Variants in MDGA1 observed in about 807,000 individuals in gnomAD.
The protein encoded by MDGA1 is MAM domain-containing glycosylphosphatidylinositol anchor protein 1.
A neutral mutation model predicts 101.5 loss-of-function variants in MDGA1; 54 were observed. The ratio of observed to expected loss-of-function variants is 0.53; its 90% confidence interval spans 0.43 to 0.67. The LOEUF (loss-of-function observed/expected upper bound fraction) is 0.67. Among genes scored for constraint, MDGA1 ranks in the 30% least tolerant of loss-of-function variants. The pLI, the probability that MDGA1 is intolerant of heterozygous loss-of-function variation, is 0.00. For missense variants in MDGA1, 1,083 were observed against 1,323.8 expected (o/e 0.82, Z 2.82); for synonymous variants, 533 against 558.3 (o/e 0.95, Z 0.64).
rs369650372 is a variant in MDGA1, at chr6:37,658,313, C to T, written c.314G>A (p.Arg105His). The T allele has an allele frequency of 3.7e-6, 6 of 1,612,198 alleles. No individual in the cohort carries two copies. Among genetic ancestry groups the T allele is most frequent in the South Asian group, 1.1e-5 (1 of 90,890 alleles). The part of the protein sequence containing the change: ...IERIARTQGG[R>H]YYCKAENGVG... ...GCCGTTCTCAGCCTTGCAGTAGTAG[C>T]GGCCGCCCTGCGTGCGTGCAATACG... Residue 105 changes from arginine to histidine, a missense_variant, in exon 3 of 17, where the codon CGC (arginine) becomes CAC (histidine). By Grantham distance (29) the Arg-to-His change is conservative. Transcript: ENST00000434837.
At position 37,678,291 on chromosome 6, in the gene MDGA1, C is replaced by G. The variant is rs191211712; in HGVS notation, c.68-14185G>C. ...CTCCCACACCCCACACCCAATTCACCAGCAAGCTCTGTCGGCTTGACCTTC... is the reference window on the plus strand; with the variant it reads ...CTCCCACACCCCACACCCAATTCACGAGCAAGCTCTGTCGGCTTGACCTTC... On this transcript the variant is annotated intron_variant, in intron 1 of 16. Coordinates refer to ENST00000434837, the MANE Select transcript of MDGA1 (RefSeq NM_153487.4). 1.8e-3 allele frequency among the ~76,000 whole-genome samples: 276 copies of G among 152,268 alleles called. 4 individuals carry two copies. Among genetic ancestry groups the G allele is most frequent in the South Asian group, 8.3e-4 (4 of 4,820 alleles).
At chr6:37,678,156 G>A (rs1421461144) in intron 1 of MDGA1, among the ~76,000 whole-genome samples, 1 of 152,062 alleles carries the variant, frequency 6.6e-6, no homozygotes, top group African/African-American at 2.4e-5. Flanking sequence ...GTACCCCCAA[G>A]GGTTGGGAGC....
Position 37,637,352 on chromosome 6 carries a change from G to C in MDGA1, c.*16C>G, listed in dbSNP as rs753075279. ...GTGCCGGGGGCAAGGTTGGGGGGGT[G>C]GCCACACAGCTCTCATCATCTCTGC... is the stretch of plus-strand genomic sequence containing the variant. On this transcript the variant is annotated 3_prime_UTR_variant, in exon 17 of 17. Coordinates refer to ENST00000434837, the MANE Select transcript of MDGA1 (RefSeq NM_153487.4). The C allele has an allele frequency of 1.9e-6, 3 of 1,601,844 alleles. No homozygotes were observed. Among genetic ancestry groups the C allele is most frequent in the Non-Finnish European group, 2.6e-6 (3 of 1,169,718 alleles).
intron 3 of MDGA1, among the ~76,000 whole-genome samples, chr6:37,657,191 C>T (rs757080636): frequency 2.6e-5 from 4 of 152,094 alleles, no homozygotes; most frequent in Non-Finnish European, 4.4e-5. Context: ...AAGAAAGAAT[C>T]GATATTTGGC....
At chr6:37,660,576 T>C (rs1407243567) in intron 2 of MDGA1, among the ~76,000 whole-genome samples, 1 of 152,224 alleles carries the variant, frequency 6.6e-6, no homozygotes. Flanking sequence ...TTTTTATTTC[T>C]AGGATTTCTG....
At position 37,655,051 on chromosome 6, in the gene MDGA1, C is replaced by G. The variant is rs888819235; in HGVS notation, c.580-119G>C. The G allele has an allele frequency of 1.6e-6, 2 of 1,258,784 alleles. No individual in the cohort carries two copies. The highest frequency in any genetic ancestry group is 3.0e-5 in the African/African-American group (2 of 67,018). The allele number at this position is 1,258,784 out of a possible 1,614,324, so 78.0% of individuals were successfully genotyped here. ...GCCTGTCTAATTCCTCTCTTTCCAT[C>G]CCCAACCCCACCCTCACCATTTAGC... On this transcript the variant is annotated intron_variant, in intron 4 of 16. Coordinates refer to ENST00000434837, the MANE Select transcript of MDGA1 (RefSeq NM_153487.4). The surrounding 1 kb of genome is among the most constrained non-coding windows in gnomAD (Gnocchi z 5.1).
In MDGA1 at chr6:37,635,711, C is replaced by T. The variant is rs987671261; in HGVS notation, c.*1657G>A. 1.3e-5 allele frequency: 5 copies of T among 398,592 alleles called. No homozygotes were observed. The highest frequency in any genetic ancestry group is 8.2e-5 in the African/African-American group (4 of 48,644). The allele number at this position is 398,592 out of a possible 1,614,324, so 24.7% of individuals were successfully genotyped here. A position where few individuals can be genotyped will look rare whatever the true frequency, so the allele number is the denominator to read the frequency against. On this transcript the variant is annotated 3_prime_UTR_variant, in exon 17 of 17. Coordinates refer to ENST00000434837, the MANE Select transcript of MDGA1 (RefSeq NM_153487.4). Reference sequence around the variant, plus strand: ...ATGCTCCAGAAGGAGCCCTGTGATGCTCCTCACCAAAGGTGCTTGCATTCA... The same window carrying T: ...ATGCTCCAGAAGGAGCCCTGTGATGTTCCTCACCAAAGGTGCTTGCATTCA...
At chr6:37,657,286 G>A (rs1761512698) in intron 3 of MDGA1, among the ~76,000 whole-genome samples, 1 of 152,338 alleles carries the variant, frequency 6.6e-6, no homozygotes, top group South Asian at 2.1e-4. Flanking sequence ...AGAGCTTAAT[G>A]TATGGCTGTG....
chr6:37,638,651 C>T lies in MDGA1; in HGVS notation c.2553G>A (p.Leu851=). The change falls in exon 15 of 17, where the codon CTG becomes CTA. Residue 851 remains leucine (L), a synonymous_variant. Coordinates refer to ENST00000434837, the MANE Select transcript of MDGA1 (RefSeq NM_153487.4). This position sits in a 1 kb window ranked among gnomAD's most constrained non-coding sequence, Gnocchi z 4.8. ...GAGCCCCTTTGTTCCGGGACCGCAC[C>T]AGGAGGTTGAGGGAGCCTGCGGTGG... The part of the protein sequence containing the change: ...YGKHIGSLNL[L]VRSRNKGALD... 6.2e-7 allele frequency: 1 copy of T among 1,613,480 alleles called. No homozygotes were observed. Among genetic ancestry groups the T allele is most frequent in the Non-Finnish European group, 8.5e-7 (1 of 1,179,710 alleles).
chr6:37,647,564 T>G (rs1581850980), intron 9 of MDGA1, among the ~76,000 whole-genome samples: 1 of 144,360 alleles, frequency 6.9e-6, no homozygotes, highest in Non-Finnish European at 1.5e-5. Flanking sequence ...TTCCAAGAGG[T>G]GATATTGGTG....
chr6:37,661,861 C>T (rs532777421), intron 2 of MDGA1, among the ~76,000 whole-genome samples: 155 of 151,976 alleles, frequency 1.0e-3, no homozygotes, highest in Admixed American at 4.1e-3. Context: ...AGTGCAGGAA[C>T]AGATTGAAGG....
Position 37,654,498 on chromosome 6 carries a change from T to C in MDGA1, c.758A>G (p.Asn253Ser), listed in dbSNP as rs1174891037. 19 of 1,613,820 alleles carry C rather than the reference T, an allele frequency of 1.2e-5. No homozygotes were observed. The highest frequency in any genetic ancestry group is 1.6e-4 in the Middle Eastern group (1 of 6,084). The change falls in exon 6 of 17, where the codon AAC (asparagine) becomes AGC (serine). Residue 253 changes from asparagine (N) to serine (S), a missense_variant. Physicochemically the swap from Asn to Ser is conservative, Grantham distance 46. Around this residue, in one of 3 missense-constraint regions of MDGA1, gnomAD observed 310 missense variants for 355.9 expected, o/e 0.87. Transcript: ENST00000434837. ...CTGCACCGTCACATTCTCCCCAGGG[T>C]TCACCACCAGAGTTTCGTTCACAGA... ...KLSVNETLVV[N>S]PGENVTVQCL...
intron 1 of MDGA1, among the ~76,000 whole-genome samples, chr6:37,690,094 C>T (rs1394315640): frequency 6.6e-6 from 1 of 152,248 alleles, no homozygotes; most frequent in Non-Finnish European, 1.5e-5. Flanking sequence ...CTGGCTCATT[C>T]TGCTCCAGCC....
intron 1 of MDGA1, among the ~76,000 whole-genome samples, chr6:37,666,315 G>A (rs570328307): frequency 3.4e-4 from 49 of 146,122 alleles, no homozygotes; most frequent in African/African-American, 9.7e-4. Flanking sequence ...AGCAGAGATC[G>A]AGCCACTGCA....
intron 1 of MDGA1, among the ~76,000 whole-genome samples, chr6:37,683,770 CT>C (rs1003707009): frequency 2.0e-5 from 3 of 152,244 alleles, no homozygotes; most frequent in Non-Finnish European, 4.4e-5. Context: ...CACTGGCTTC[CT>C]TTGCTTCCCT....
At chr6:37,664,327 C>A (rs1216434531) in intron 1 of MDGA1, 2 of 551,750 alleles carry the variant, frequency 3.6e-6, no homozygotes, top group African/African-American at 1.9e-5. Context: ...TCCCCAACCC[C>A]TTGCAAGAGA....
chr6:37,650,407 T>C lies in MDGA1; in HGVS notation c.1313-2A>G, dbSNP rs1282948496. ...TGGGCACACTGATGGTGGGCGGCACTGTGGGGGTGATGGTGATCAGCGGAG... is the reference window on the plus strand; with the variant it reads ...TGGGCACACTGATGGTGGGCGGCACCGTGGGGGTGATGGTGATCAGCGGAG... On this transcript the variant is annotated splice_acceptor_variant, in intron 7 of 16. Coordinates refer to ENST00000434837, the MANE Select transcript of MDGA1 (RefSeq NM_153487.4). LOFTEE classifies it high-confidence loss of function. The C allele has an allele frequency of 6.5e-7, 1 of 1,536,532 alleles. No individual in the cohort carries two copies.
intron 1 of MDGA1, among the ~76,000 whole-genome samples, chr6:37,667,139 G>A (rs959738296): frequency 2.6e-5 from 4 of 152,214 alleles, no homozygotes; most frequent in East Asian, 3.8e-4. Flanking sequence ...GAGGTGGCCC[G>A]GCAGCAGGTC....
At chr6:37,673,312 T>A (rs1581618101) in intron 1 of MDGA1, among the ~76,000 whole-genome samples, 1 of 152,324 alleles carries the variant, frequency 6.6e-6, no homozygotes, top group African/African-American at 2.4e-5. Context: ...CCGTGACACC[T>A]CTCGCCCTCC....
Sources: allele counts gnomAD v4.1 joint callset (sites outside exome capture counted in the v4.1 genomes callset), GRCh38; gene constraint gnomAD v4.1.1; regional missense constraint gnomAD v4.1.1; non-coding constraint Gnocchi (gnomAD v3.1); transcripts MANE v1.5; gene names NCBI Gene and HGNC (gene_info 2026-07-23, HGNC 2026-07-21).